The following KCNMB4 variants were observed in gnomAD, a reference collection of about 807,000 sequenced individuals.
KCNMB4 encodes the protein potassium calcium-activated channel subfamily M regulatory beta subunit 4, also known as calcium-activated potassium channel subunit beta-4.
In KCNMB4, 3 loss-of-function variants were observed where a neutral mutation model predicts 20.7. The observed-to-expected ratio is 0.14, with a 90% confidence interval of 0.07 to 0.37. The LOEUF (loss-of-function observed/expected upper bound fraction) is 0.37. KCNMB4 is among the 10% of genes least tolerant of loss of function. The pLI is 1.00. For synonymous variants in KCNMB4, 110 were observed against 113.4 expected, an observed-to-expected ratio of 0.97 and a Z score of 0.19; for missense variants, 168 against 265.9, an observed-to-expected ratio of 0.63 and a Z score of 2.56.
chr12:70,432,917 G>GAT lies in KCNMB4; in HGVS notation c.*2271_*2272dup, dbSNP rs1211994102. The stretch of plus-strand genomic sequence containing the variant: ...ATTTGTGTTGAAAAAAGGGGAAGTT[G>GAT]ATATATATCAATCTTAGTTTTCATT... On this transcript the variant is annotated 3_prime_UTR_variant, in exon 3 of 3. Transcript: ENST00000258111. 1 of 152,104 alleles carries GAT rather than the reference G, an allele frequency of 6.6e-6. No homozygotes were observed. The highest frequency in any genetic ancestry group is 1.9e-4 in the East Asian group (1 of 5,190). The allele number at this position is 152,104 out of a possible 1,614,324, so 9.4% of individuals were successfully genotyped here. A position where few individuals can be genotyped will look rare whatever the true frequency, so the allele number is the denominator to read the frequency against.
intron 2 of KCNMB4, among the ~76,000 whole-genome samples, chr12:70,412,871 C>T (rs1231835756): frequency 1.3e-5 from 2 of 152,158 alleles, no homozygotes; most frequent in Non-Finnish European, 2.9e-5. Flanking sequence ...TTCTTACAGT[C>T]TTATCATTAG....
intron 1 of KCNMB4, among the ~76,000 whole-genome samples, chr12:70,370,868 T>C (rs561929289): frequency 2.0e-5 from 3 of 151,994 alleles, no homozygotes; most frequent in Non-Finnish European, 4.4e-5. Context: ...CATTTATTTA[T>C]TTATTTATTT....
intron 1 of KCNMB4, among the ~76,000 whole-genome samples, chr12:70,373,809 C>T (rs1300116463): frequency 6.6e-6 from 1 of 151,992 alleles, no homozygotes. Context: ...GTAGTAAGAT[C>T]CCATCTCTTA....
intron 1 of KCNMB4, among the ~76,000 whole-genome samples, chr12:70,381,009 T>C (rs566372656): frequency 6.6e-6 from 1 of 151,808 alleles, no homozygotes; most frequent in East Asian, 1.9e-4. Context: ...ATCTGATAAG[T>C]GTCTAGTACC....
intron 2 of KCNMB4, among the ~76,000 whole-genome samples, chr12:70,427,526 C>T (rs1033459823): frequency 1.3e-5 from 2 of 152,140 alleles, no homozygotes; most frequent in African/African-American, 2.4e-5. Context: ...CCTCAAAGAA[C>T]GCTTTTGAAG....
In KCNMB4 at chr12:70,431,114, C is replaced by T. The variant is rs1449705741; in HGVS notation, c.*461C>T. The T allele has an allele frequency of 2.0e-5, 3 of 151,002 alleles. No homozygotes were observed. Among genetic ancestry groups the T allele is most frequent in the Non-Finnish European group, 2.9e-5 (2 of 67,938 alleles). 9.4% of individuals were successfully genotyped at this position (151,002 alleles called of 1,614,324 possible). A position where few individuals can be genotyped will look rare whatever the true frequency, so the allele number is the denominator to read the frequency against. On this transcript the variant is annotated 3_prime_UTR_variant, in exon 3 of 3. Transcript: ENST00000258111. ...TCTCATTTGCTTCTGCTAGGTTAAA[C>T]TTTTACTTGACAACAAGGATTCCTG... is the stretch of plus-strand genomic sequence containing the variant.
At chr12:70,421,188 G>T (rs1014409155) in intron 2 of KCNMB4, among the ~76,000 whole-genome samples, 1 of 152,094 alleles carries the variant, frequency 6.6e-6, no homozygotes, top group South Asian at 2.1e-4. Flanking sequence ...GCTGTGTAGG[G>T]TTTTGTAGAA....
Position 70,401,035 on chromosome 12 carries a change from G to A in KCNMB4, c.464+699G>A, listed in dbSNP as rs118044336. Among the ~76,000 whole-genome samples, 106 of 152,060 alleles carry A rather than the reference G, an allele frequency of 7.0e-4. 1 individual carries two copies. In the East Asian group the frequency reaches 0.014, roughly 19 times the overall value. ...ACCTATGTCACCATCATGTATTTTT[G>A]TTTGTTTTTAGACAGAGTCTCACTC... On this transcript the variant is annotated intron_variant, in intron 2 of 2. Coordinates refer to ENST00000258111, the MANE Select transcript of KCNMB4 (RefSeq NM_014505.6).
At chr12:70,413,937 G>A (rs562686550) in intron 2 of KCNMB4, among the ~76,000 whole-genome samples, 25 of 152,232 alleles carry the variant, frequency 1.6e-4, no homozygotes, top group African/African-American at 5.5e-4. Flanking sequence ...TCTGTCTGGT[G>A]AGATTTAAGT....
At chr12:70,428,838 C>T (rs969224958) in intron 2 of KCNMB4, among the ~76,000 whole-genome samples, 2 of 152,216 alleles carry the variant, frequency 1.3e-5, no homozygotes, top group South Asian at 2.1e-4. Context: ...GAGATAATTT[C>T]GTGCTATAAG....
intron 2 of KCNMB4, among the ~76,000 whole-genome samples, chr12:70,412,991 G>C (rs983958794): frequency 1.3e-4 from 20 of 152,064 alleles, no homozygotes; most frequent in African/African-American, 4.6e-4. Flanking sequence ...AGTAAATCTG[G>C]AATCTTACCG....
Position 70,366,809 on chromosome 12 carries a change from C to G in KCNMB4, c.75C>G (p.Ile25Met). 1 of 1,612,590 alleles carries G rather than the reference C, an allele frequency of 6.2e-7. No individual in the cohort carries two copies. Among genetic ancestry groups the G allele is most frequent in the Non-Finnish European group, 8.5e-7 (1 of 1,179,918 alleles). Residue 25 changes from isoleucine to methionine, a missense_variant, in exon 1 of 3, where the codon ATC becomes ATG. Coordinates refer to ENST00000258111, the MANE Select transcript of KCNMB4 (RefSeq NM_014505.6). ...GCATCCGGCTCGGCTTGTTTCTCAT[C>G]ATCTCCGGCGTCGTGTCGCTCTTCA... is the stretch of plus-strand genomic sequence containing the variant. ...DKSIRLGLFLIISGVVSLFIF... is the reference protein window; with the variant it reads ...DKSIRLGLFLMISGVVSLFIF...
chr12:70,374,595 C>A (rs1263767479), intron 1 of KCNMB4, among the ~76,000 whole-genome samples: 1 of 152,008 alleles, frequency 6.6e-6, no homozygotes, highest in Non-Finnish European at 1.5e-5. Flanking sequence ...ACTTGTAAAT[C>A]ATTGTGTTTA....
At chr12:70,373,428 C>T (rs1883633253) in intron 1 of KCNMB4, among the ~76,000 whole-genome samples, 1 of 152,014 alleles carries the variant, frequency 6.6e-6, no homozygotes, top group South Asian at 2.1e-4. Flanking sequence ...AGAAGAGGGC[C>T]ATGCGCCAAA....
chr12:70,410,528 C>A (rs746669204), intron 2 of KCNMB4, among the ~76,000 whole-genome samples: 94 of 152,158 alleles, frequency 6.2e-4, no homozygotes, highest in Non-Finnish European at 1.3e-3. Flanking sequence ...AATTGTACGA[C>A]CTTGGATAAA....
At chr12:70,399,946 A>G (rs960281198) in intron 1 of KCNMB4, among the ~76,000 whole-genome samples, 3 of 152,188 alleles carry the variant, frequency 2.0e-5, no homozygotes, top group African/African-American at 7.2e-5. Context: ...ATTACATGGT[A>G]ACTAATAGTT....
chr12:70,370,483 A>G (rs534156660), intron 1 of KCNMB4, among the ~76,000 whole-genome samples: 1 of 151,168 alleles, frequency 6.6e-6, no homozygotes, highest in African/African-American at 2.4e-5. Context: ...AATTTTTTCT[A>G]TTTTTAGTGA....
chr12:70,403,362 T>G (rs994337544), intron 2 of KCNMB4, among the ~76,000 whole-genome samples: 1 of 152,270 alleles, frequency 6.6e-6, no homozygotes, highest in African/African-American at 2.4e-5. Context: ...AGTAGGAGTC[T>G]CGCTCTGTCA....
At chr12:70,400,358 C>A in intron 2 of KCNMB4, 22 bp downstream of exon 2, 2 of 1,594,330 alleles carry the variant, frequency 1.3e-6, no homozygotes, top group Non-Finnish European at 1.7e-6. Context: ...TTTGCATGTG[C>A]GTGTTAAAAT....
Sources: gnomAD v4.1 joint callset for allele counts (sites outside exome capture counted in the v4.1 genomes callset) on GRCh38, gnomAD v4.1.1 for gene constraint, MANE v1.5 for transcripts, NCBI Gene and HGNC (gene_info 2026-07-23, HGNC 2026-07-21) for gene names.